Variants in ANKRD17 observed in about 807,000 individuals in gnomAD.
The protein encoded by ANKRD17 is ankyrin repeat domain 17.
Under a neutral mutation model 229.7 loss-of-function variants are expected in ANKRD17, and 19 were observed. The observed-to-expected ratio is 0.08, with a 90% CI of 0.06 to 0.12. ANKRD17 has a LOEUF of 0.12. Ranked by LOEUF, ANKRD17 falls within the 10% of genes least tolerant of loss-of-function variation. ANKRD17 has a pLI of 1.00. For missense variants in ANKRD17, 2,176 were observed against 3,176.8 expected (o/e 0.68, Z 7.57); for synonymous variants, 1,112 against 1,146.1 (o/e 0.97, Z 0.60).
intron 23 of ANKRD17, among the ~76,000 whole-genome samples, chr4:73,115,084 T>C (rs1341197133): frequency 6.6e-6 from 1 of 152,216 alleles, no homozygotes; most frequent in Non-Finnish European, 1.5e-5. Flanking sequence ...AACTTTTACA[T>C]CACGCTCAAG....
intron 2 of ANKRD17, 114 bp from the exon 3 acceptor site, chr4:73,161,462 G>C: frequency 9.6e-7 from 1 of 1,040,914 alleles, no homozygotes; most frequent in South Asian, 1.6e-5. Context: ...AAATGGTAGA[G>C]TAGACATATA....
At chr4:73,247,616 T>C (rs1040224101) in intron 1 of ANKRD17, among the ~76,000 whole-genome samples, 29 of 151,912 alleles carry the variant, frequency 1.9e-4, no homozygotes, top group African/African-American at 7.0e-4. Context: ...ATACACCAAC[T>C]GTTAGCAGCA....
At chr4:73,092,712 C>T (rs1193240067) in intron 28 of ANKRD17, among the ~76,000 whole-genome samples, 2 of 152,010 alleles carry the variant, frequency 1.3e-5, no homozygotes, top group Non-Finnish European at 2.9e-5. Flanking sequence ...AGTTAATCAA[C>T]ACTAAAAATA....
intron 1 of ANKRD17, among the ~76,000 whole-genome samples, chr4:73,217,014 A>C (rs1741154730): frequency 6.6e-6 from 1 of 152,200 alleles, no homozygotes; most frequent in Non-Finnish European, 1.5e-5. Context: ...TTCATATCAG[A>C]ATGAGCTGTT....
intron 1 of ANKRD17, among the ~76,000 whole-genome samples, chr4:73,233,520 T>C (rs1330082425): frequency 6.6e-6 from 1 of 151,844 alleles, no homozygotes; most frequent in African/African-American, 2.4e-5. Flanking sequence ...GTTCATGTAT[T>C]CCAGACTAAT....
chr4:73,083,121 C>G (rs908473250), intron 30 of ANKRD17, among the ~76,000 whole-genome samples: 1 of 152,142 alleles, frequency 6.6e-6, no homozygotes, highest in East Asian at 1.9e-4. Context: ...GAAAAATATA[C>G]AAGGGATCCT....
chr4:73,168,438 TTG>T (rs150947393), intron 2 of ANKRD17, among the ~76,000 whole-genome samples: 46 of 152,048 alleles, frequency 3.0e-4, no homozygotes, highest in Non-Finnish European at 5.7e-4. Context: ...AAATATTTGA[TTG>T]TGTGTGTGTA....
intron 14 of ANKRD17, 126 bp from the exon 15 acceptor site, chr4:73,140,409 A>C: frequency 1.1e-6 from 1 of 926,696 alleles, no homozygotes; most frequent in Non-Finnish European, 1.5e-6. Context: ...GTGAAAATGC[A>C]CTGTTAAAAA....
At chr4:73,204,358 C>CAAAAAAAA (rs374000000) in intron 1 of ANKRD17, among the ~76,000 whole-genome samples, 1 of 59,134 alleles carries the variant, frequency 1.7e-5, no homozygotes, top group African/African-American at 7.1e-5. Context: ...GAGACTCCGT[C>CAAAAAAAA]AAAAAAAAAA....
chr4:73,125,117 C>G (rs1048152147), intron 17 of ANKRD17, 59 bp from the exon 18 acceptor site: 5 of 1,599,556 alleles, frequency 3.1e-6, no homozygotes, highest in Non-Finnish European at 4.3e-6. Context: ...AAATATCTGA[C>G]CTTCAAAATA....
At chr4:73,162,605 G>A (rs1031069236) in intron 2 of ANKRD17, among the ~76,000 whole-genome samples, 2 of 151,918 alleles carry the variant, frequency 1.3e-5, no homozygotes, top group Admixed American at 6.6e-5. Flanking sequence ...AATGAGTTAT[G>A]TCTACAACTT....
rs752013046 is a variant in ANKRD17 at position 73,139,991 on chromosome 4, C to G, written c.2625G>C (p.Glu875Asp). The change falls in exon 15 of 34, where the codon GAG becomes GAC. Residue 875 changes from glutamate to aspartate, a missense_variant. By Grantham distance (45) the Glu-to-Asp change is conservative (BLOSUM62 2). Transcript: ENST00000358602. The part of the protein sequence containing the change: ...ILEELQKVER[E>D]LQLKTQQQLK... Reference sequence around the variant, plus strand: ...GCTGCTGCTGAGTTTTCAGTTGTAACTCTCGTTCTACTTTCTGTAGTTCCT... The same window carrying G: ...GCTGCTGCTGAGTTTTCAGTTGTAAGTCTCGTTCTACTTTCTGTAGTTCCT... 1.2e-6 allele frequency: 2 copies of G among 1,614,048 alleles called. No individual in the cohort carries two copies. Among genetic ancestry groups the G allele is most frequent in the Non-Finnish European group, 1.7e-6 (2 of 1,180,046 alleles).
chr4:73,189,317 C>A (rs1283541131), intron 1 of ANKRD17, among the ~76,000 whole-genome samples: 1 of 149,566 alleles, frequency 6.7e-6, no homozygotes, highest in Non-Finnish European at 1.5e-5. Context: ...ATAATCCTTT[C>A]TTTTTTCTGT....
At chr4:73,145,092 G>A (rs570763423) in intron 10 of ANKRD17, among the ~76,000 whole-genome samples, 2 of 152,090 alleles carry the variant, frequency 1.3e-5, no homozygotes, top group African/African-American at 2.4e-5. Context: ...TTATAGTCAC[G>A]TGATCATGAT....
At chr4:73,245,921 C>T (rs941143627) in intron 1 of ANKRD17, among the ~76,000 whole-genome samples, 2 of 152,156 alleles carry the variant, frequency 1.3e-5, no homozygotes. Flanking sequence ...GTTTTACCAA[C>T]AAACTACATT....
At position 73,102,406 on chromosome 4, in the gene ANKRD17, C is replaced by A; in HGVS notation, c.4543G>T (p.Ala1515Ser). The A allele has an allele frequency of 6.3e-7, 1 of 1,590,174 alleles. No homozygotes were observed. The highest frequency in any genetic ancestry group is 1.4e-5 in the African/African-American group (1 of 73,096). ...KNKENFELQA[A>S]QEKEKLKVED... ...ACTTTAAGCTTTTCTTTTTCTTGAG[C>A]AGCTTGGAGTTCAAAGTTCTCTTTA... The change falls in exon 25 of 34, where the codon GCT becomes TCT. Residue 1515 changes from alanine to serine, a missense_variant. Ala to Ser is a moderately conservative substitution (Grantham distance 99, BLOSUM62 1). Coordinates refer to ENST00000358602, the MANE Select transcript of ANKRD17 (RefSeq NM_032217.5).
chr4:73,232,697 G>A (rs1743160485), intron 1 of ANKRD17, among the ~76,000 whole-genome samples: 3 of 151,948 alleles, frequency 2.0e-5, no homozygotes, highest in Admixed American at 1.3e-4. Context: ...AAACAACTAG[G>A]TAGAGGCCAC....
At chr4:73,166,818 A>G (rs1194758750) in intron 2 of ANKRD17, among the ~76,000 whole-genome samples, 1 of 152,034 alleles carries the variant, frequency 6.6e-6, no homozygotes, top group Non-Finnish European at 1.5e-5. Context: ...TTAATTTTTA[A>G]TTTCATGGGT....
chr4:73,178,699 G>C (rs1735058027), intron 1 of ANKRD17, among the ~76,000 whole-genome samples: 1 of 151,966 alleles, frequency 6.6e-6, no homozygotes. Flanking sequence ...GCCCTGAGGG[G>C]TCTATTTACT....
Sources: gnomAD v4.1 joint callset for allele counts (sites outside exome capture counted in the v4.1 genomes callset) on GRCh38, gnomAD v4.1.1 for gene constraint, MANE v1.5 for transcripts, NCBI Gene and HGNC (gene_info 2026-07-23, HGNC 2026-07-21) for gene names.